SPATA13: variants seen among roughly 807,000 people sequenced by gnomAD.
SPATA13 encodes spermatogenesis associated 13.
A neutral mutation model predicts 104.0 loss-of-function variants in SPATA13; 50 were observed. The observed-to-expected ratio is 0.48, with a 90% CI of 0.38 to 0.61. The LOEUF (loss-of-function observed/expected upper bound fraction) is 0.61. Ranked by LOEUF, SPATA13 falls within the 20% of genes least tolerant of loss-of-function variation. SPATA13 has a pLI of 0.00. For synonymous variants in SPATA13, 606 were observed against 667.5 expected, an observed-to-expected ratio of 0.91 and a Z score of 1.42; for missense variants, 1,524 against 1,690.6, an observed-to-expected ratio of 0.90 and a Z score of 1.73.
chr13:24,285,166 C>T (rs1875838757), intron 5 of SPATA13, among the ~76,000 whole-genome samples: 1 of 152,122 alleles, frequency 6.6e-6, no homozygotes, highest in Non-Finnish European at 1.5e-5. Flanking sequence ...TCACCTGCTC[C>T]CGTGGCCAGG....
chr13:24,189,523 A>T (rs1203048616), intron 1 of SPATA13, among the ~76,000 whole-genome samples: 1 of 137,052 alleles, frequency 7.3e-6, no homozygotes, highest in Non-Finnish European at 1.5e-5. Flanking sequence ...TATATTTAAT[A>T]TTGCATACAT....
intron 3 of SPATA13, among the ~76,000 whole-genome samples, chr13:24,127,240 A>C (rs930640235): frequency 9.8e-5 from 15 of 152,320 alleles, no homozygotes; most frequent in Non-Finnish European, 2.1e-4. Flanking sequence ...GGTAGCAGTG[A>C]GGCCACCCTC....
chr13:24,223,183 C>T lies in SPATA13; in HGVS notation c.254C>T (p.Ala85Val), dbSNP rs1191437993. ...TCCACCAGTCGGAAGAGGACGGGTGCCCACCCCGAGCGGCCCCACTCCATG... is the reference window on the plus strand; with the variant it reads ...TCCACCAGTCGGAAGAGGACGGGTGTCCACCCCGAGCGGCCCCACTCCATG... ...LFSTSRKRTG[A>V]HPERPHSMVL... The change falls in exon 2 of 13, where the codon GCC (alanine) becomes GTC (valine). Residue 85 changes from alanine (A) to valine (V), a missense_variant. By Grantham distance (64) the Ala-to-Val change is moderately conservative. This residue lies in a region of SPATA13 where 1,089 missense variants were observed against 1,135.9 expected (regional missense o/e 0.96). Transcript: ENST00000382108. The T allele has an allele frequency of 6.4e-7, 1 of 1,551,546 alleles. No individual in the cohort carries two copies. The highest frequency in any genetic ancestry group is 8.7e-7 in the Non-Finnish European group (1 of 1,147,032).
intron 9 of SPATA13, 33 bp from the exon 10 acceptor site, chr13:24,294,706 T>C: frequency 6.4e-7 from 1 of 1,565,956 alleles, no homozygotes; most frequent in Non-Finnish European, 8.8e-7. Context: ...AAGGTGCATG[T>C]TATGTGATTA....
chr13:24,131,235 G>T (rs1881381538), intron 3 of SPATA13, among the ~76,000 whole-genome samples: 1 of 152,202 alleles, frequency 6.6e-6, no homozygotes, highest in Admixed American at 6.6e-5. Flanking sequence ...TTGTTTATAG[G>T]AGAGAGATAA....
At chr13:24,152,402 T>C (rs1480009983) in intron 3 of SPATA13, among the ~76,000 whole-genome samples, 1 of 152,254 alleles carries the variant, frequency 6.6e-6, no homozygotes, top group Non-Finnish European at 1.5e-5. Context: ...CTCAAGGACA[T>C]GGCCACTTTC....
chr13:24,142,899 A>G (rs1881808784), intron 3 of SPATA13, among the ~76,000 whole-genome samples: 1 of 152,094 alleles, frequency 6.6e-6, no homozygotes, highest in African/African-American at 2.4e-5. Flanking sequence ...GGTCATCCTC[A>G]TGTCAGTCAG....
At chr13:24,270,724 G>T in intron 4 of SPATA13, 1 of 1,536,792 alleles carries the variant, frequency 6.5e-7, no homozygotes, top group Non-Finnish European at 8.8e-7. Flanking sequence ...CGCATACAAC[G>T]TCAAAGCAGT....
At chr13:24,157,619 T>G (rs530136247), upstream of SPATA13, among the ~76,000 whole-genome samples, 6 of 152,124 alleles carry the variant, frequency 3.9e-5, no homozygotes, top group African/African-American at 1.4e-4. Context: ...TTTTCTGCAG[T>G]AGAGGGTGGG....
chr13:24,143,608 G>A (rs553527573), intron 3 of SPATA13, among the ~76,000 whole-genome samples: 3 of 152,076 alleles, frequency 2.0e-5, no homozygotes, highest in Admixed American at 6.6e-5. Context: ...CAGGCTTTCC[G>A]ACTCTGCTGC....
chr13:24,289,664 G>A (rs912463050), intron 8 of SPATA13, among the ~76,000 whole-genome samples: 4 of 152,208 alleles, frequency 2.6e-5, no homozygotes, highest in African/African-American at 9.7e-5. Flanking sequence ...CATCTGTGAA[G>A]GCAGACCCGG....
intron 3 of SPATA13, among the ~76,000 whole-genome samples, chr13:24,143,844 T>A (rs558890085): frequency 1.4e-3 from 220 of 152,332 alleles, no homozygotes; most frequent in African/African-American, 5.2e-3. Context: ...TGGAGGAACA[T>A]GTGACACTTT....
At chr13:24,042,870 G>A (rs1254770258) in intron 3 of SPATA13, among the ~76,000 whole-genome samples, 4 of 152,150 alleles carry the variant, frequency 2.6e-5, no homozygotes, top group African/African-American at 4.8e-5. Context: ...GGGGAAACGT[G>A]CGTTTAAAAA....
intron 4 of SPATA13, among the ~76,000 whole-genome samples, chr13:24,253,666 T>C (rs189021486): frequency 6.6e-6 from 1 of 152,096 alleles, no homozygotes; most frequent in Non-Finnish European, 1.5e-5. Context: ...CTTTGGGTAA[T>C]GTGAGGAGTA....
intron 3 of SPATA13, among the ~76,000 whole-genome samples, chr13:24,085,159 G>C (rs1171120798): frequency 6.6e-6 from 1 of 152,098 alleles, no homozygotes; most frequent in East Asian, 1.9e-4. Flanking sequence ...TTCTTGCTCT[G>C]TCACCTAGGC....
At chr13:24,123,155 AT>A (rs1881096057) in intron 3 of SPATA13, 2 of 1,141,116 alleles carry the variant, frequency 1.8e-6, no homozygotes, top group African/African-American at 3.0e-5. Context: ...CTCTGATAAT[AT>A]GAAGAAGAGC....
Position 24,286,732 on chromosome 13 carries a change from C to G in SPATA13, c.2482-33C>G. ...CTGCTCCATGCTGCCCTCCCCTGCC[C>G]CAAGTCACCTGTCCCCTGTATGTGG... On this transcript the variant is annotated intron_variant, in intron 6 of 12. Coordinates refer to ENST00000382108, the MANE Select transcript of SPATA13 (RefSeq NM_001166271.3). The surrounding 1 kb of genome is among the most constrained non-coding windows in gnomAD (Gnocchi z 4.9). 1 of 1,603,838 alleles carries G rather than the reference C, an allele frequency of 6.2e-7. No individual in the cohort carries two copies. Among genetic ancestry groups the G allele is most frequent in the South Asian group, 1.1e-5 (1 of 89,864 alleles).
rs909922611 is a variant in SPATA13, at chr13:24,051,518, G to A, written c.-112+33817G>A. Among the ~76,000 whole-genome samples the A allele has an allele frequency of 1.3e-5, 2 of 152,194 alleles. No individual in the cohort carries two copies. The highest frequency in any genetic ancestry group is 2.9e-5 in the Non-Finnish European group (2 of 68,034). On this transcript the variant is annotated intron_variant, in intron 3 of 14. Transcript: ENST00000424834. The surrounding 1 kb of genome is among the most constrained non-coding windows in gnomAD (Gnocchi z 4.2). The stretch of plus-strand genomic sequence containing the variant: ...CATACTCATGCACACCCAACCCTTA[G>A]GGGAGGAGATTATGCCCAGTGGGTG...
intron 1 of SPATA13, among the ~76,000 whole-genome samples, chr13:24,221,623 G>A (rs1383438148): frequency 4.6e-5 from 7 of 152,088 alleles, no homozygotes; most frequent in Non-Finnish European, 5.9e-5. Flanking sequence ...GGAAGGCATG[G>A]ACACAGGTGT....
Sources: gnomAD v4.1 joint callset for allele counts (sites outside exome capture counted in the v4.1 genomes callset) on GRCh38, gnomAD v4.1.1 for gene constraint, gnomAD v4.1.1 regional missense constraint, Gnocchi (gnomAD v3.1) non-coding constraint, MANE v1.5 for transcripts, NCBI Gene and HGNC (gene_info 2026-07-23, HGNC 2026-07-21) for gene names.